The following TRHDE variants were observed in gnomAD, a reference collection of about 807,000 sequenced individuals.
TRHDE encodes thyrotropin releasing hormone degrading enzyme, also known as thyrotropin-releasing hormone-degrading ectoenzyme.
Under a neutral mutation model 125.7 loss-of-function variants are expected in TRHDE, and 72 were observed. The observed-to-expected ratio is 0.57, with a 90% confidence interval of 0.47 to 0.70. The LOEUF is 0.70. Among genes scored for constraint, TRHDE ranks in the 30% least tolerant of loss-of-function variants. The probability of loss-of-function intolerance (pLI) is 0.00; values close to 1 mark genes in which losing one functional copy is unlikely to be tolerated. For synonymous variants in TRHDE, 509 were observed against 509.1 expected (o/e 1.00, Z 0.00); for missense variants, 1,110 against 1,327.1 (o/e 0.84, Z 2.54).
At chr12:72,143,685 C>T (rs899662231) in intron 2 of TRHDE, among the ~76,000 whole-genome samples, 1 of 152,024 alleles carries the variant, frequency 6.6e-6, no homozygotes, top group African/African-American at 2.4e-5. Context: ...ATTGTTCTGA[C>T]CCCTTTGGCA....
At chr12:72,371,068 C>A (rs899706229) in intron 2 of TRHDE, among the ~76,000 whole-genome samples, 16 of 152,060 alleles carry the variant, frequency 1.1e-4, no homozygotes, top group Admixed American at 1.0e-3. Context: ...TTTAAAATAA[C>A]ATCCTAGTAT....
intron 2 of TRHDE, chr12:72,303,015 C>G (rs998734373): frequency 3.3e-5 from 5 of 152,126 alleles, no homozygotes; most frequent in African/African-American, 9.7e-5. Context: ...CGTTGAGAAC[C>G]ACTATGCTTG....
At chr12:72,145,426 G>A (rs1876205710) in intron 2 of TRHDE, among the ~76,000 whole-genome samples, 1 of 152,156 alleles carries the variant, frequency 6.6e-6, no homozygotes, top group Non-Finnish European at 1.5e-5. Context: ...TGTTTTGGAA[G>A]TTTTAATTTC....
At chr12:72,185,616 C>A (rs947793412) in intron 2 of TRHDE, among the ~76,000 whole-genome samples, 1 of 151,896 alleles carries the variant, frequency 6.6e-6, no homozygotes, top group Non-Finnish European at 1.5e-5. Context: ...CCAATCTACA[C>A]TGTATCTAGC....
At chr12:72,379,657 G>A (rs1306331835) in intron 3 of TRHDE, among the ~76,000 whole-genome samples, 1 of 152,148 alleles carries the variant, frequency 6.6e-6, no homozygotes, top group Non-Finnish European at 1.5e-5. Context: ...ATAACTTCAG[G>A]GGGTTCCATG....
rs1214079682 is a variant in TRHDE, at chr12:72,109,258, C to T, written n.279+3506C>T. 7.9e-5 allele frequency among the ~76,000 whole-genome samples: 12 copies of T among 152,082 alleles called. 1 individual carries two copies. In the East Asian group the frequency reaches 1.7e-3, roughly 22 times the overall value. On this transcript the variant is annotated intron_variant and non_coding_transcript_variant, in intron 2 of 4. Transcript: ENST00000548156. ...TTAAAGATAGGAATATATCCTGTTA[C>T]GTCTAAAGCTTATACTCTTAGCCTC...
At chr12:72,347,676 G>A (rs1205557359) in intron 2 of TRHDE, among the ~76,000 whole-genome samples, 1 of 152,012 alleles carries the variant, frequency 6.6e-6, no homozygotes, top group Non-Finnish European at 1.5e-5. Context: ...GCATTGGCTG[G>A]AGGCTGCCCT....
chr12:72,473,861 C>T (rs1056243476), intron 5 of TRHDE, among the ~76,000 whole-genome samples: 5 of 151,834 alleles, frequency 3.3e-5, no homozygotes, highest in East Asian at 1.9e-4. Flanking sequence ...AAATAGAACC[C>T]GGGGTATATA....
intron 15 of TRHDE, among the ~76,000 whole-genome samples, chr12:72,640,332 C>T (rs910414309): frequency 6.6e-6 from 1 of 152,224 alleles, no homozygotes. Flanking sequence ...CTGCGCTTCC[C>T]GAGTGAGGCA....
intron 2 of TRHDE, chr12:72,253,513 A>T (rs1351228612): frequency 1.3e-5 from 2 of 152,030 alleles, no homozygotes; most frequent in Non-Finnish European, 2.9e-5. Context: ...GTAGGTTTTT[A>T]AAAAAATGAA....
At chr12:72,349,002 G>A (rs531369451) in intron 2 of TRHDE, among the ~76,000 whole-genome samples, 1 of 151,956 alleles carries the variant, frequency 6.6e-6, no homozygotes, top group Non-Finnish European at 1.5e-5. Flanking sequence ...AAGCTGAATT[G>A]TATGTCTTTC....
intron 3 of TRHDE, among the ~76,000 whole-genome samples, chr12:72,445,736 GC>G (rs1371262079): frequency 6.6e-6 from 1 of 151,932 alleles, no homozygotes; most frequent in African/African-American, 2.4e-5. Context: ...GCCAAGTATG[GC>G]ACATGGATAG....
At chr12:72,311,045 C>T (rs995720333) in intron 2 of TRHDE, among the ~76,000 whole-genome samples, 10 of 151,796 alleles carry the variant, frequency 6.6e-5, no homozygotes, top group Non-Finnish European at 1.3e-4. Flanking sequence ...TAATATTTAC[C>T]CTTCTTAGGT....
chr12:72,574,642 A>G (rs1176392323), intron 10 of TRHDE, among the ~76,000 whole-genome samples: 1 of 152,088 alleles, frequency 6.6e-6, no homozygotes, highest in Non-Finnish European at 1.5e-5. Context: ...TCAAATTACC[A>G]TTTTCCAAAG....
At chr12:72,553,878 C>T (rs575414351) in intron 7 of TRHDE, among the ~76,000 whole-genome samples, 11 of 134,414 alleles carry the variant, frequency 8.2e-5, no homozygotes, top group African/African-American at 2.5e-4. Context: ...TTTGGAGTTT[C>T]GCTCTTGTCA....
intron 1 of TRHDE, among the ~76,000 whole-genome samples, chr12:72,087,786 G>A (rs1566205421): frequency 6.6e-6 from 1 of 152,012 alleles, no homozygotes; most frequent in African/African-American, 2.4e-5. Context: ...AAAAAATATT[G>A]CTCAGCAATA....
At chr12:72,330,330 TA>T (rs58828483) in intron 2 of TRHDE, among the ~76,000 whole-genome samples, 43 of 137,388 alleles carry the variant, frequency 3.1e-4, no homozygotes, top group Admixed American at 4.3e-4. Flanking sequence ...CAAAGAAAAG[TA>T]AAAAAAAAAA....
intron 2 of TRHDE, among the ~76,000 whole-genome samples, chr12:72,216,233 T>G (rs1215220092): frequency 6.6e-6 from 1 of 152,164 alleles, no homozygotes; most frequent in Admixed American, 6.5e-5. Context: ...TCTATGAGAC[T>G]TCTAGGCTAG....
chr12:72,603,582 G>A (rs989754898), intron 12 of TRHDE, among the ~76,000 whole-genome samples: 1 of 151,808 alleles, frequency 6.6e-6, no homozygotes. Context: ...AAAATTAGCC[G>A]GGCGTGGTGG....
Sources: gnomAD v4.1 joint callset for allele counts (sites outside exome capture counted in the v4.1 genomes callset) on GRCh38, gnomAD v4.1.1 for gene constraint, MANE v1.5 for transcripts, NCBI Gene and HGNC (gene_info 2026-07-23, HGNC 2026-07-21) for gene names.